Variants in TRAPPC11 observed in about 807,000 individuals in gnomAD.
The protein encoded by TRAPPC11 is trafficking protein particle complex subunit 11.
In TRAPPC11, 104 loss-of-function variants were observed where a neutral mutation model predicts 151.2. The observed-to-expected ratio is 0.69, with a 90% confidence interval of 0.59 to 0.81. The LOEUF (loss-of-function observed/expected upper bound fraction) is 0.81. TRAPPC11 is among the 30% of genes least tolerant of loss of function. TRAPPC11 has a pLI of 0.00. For synonymous variants in TRAPPC11, 456 were observed against 472.3 expected (o/e 0.97, Z 0.45); for missense variants, 1,230 against 1,349.6 (o/e 0.91, Z 1.39).
At chr4:183,684,612 A>G in intron 14 of TRAPPC11, 84 bp from the exon 15 acceptor site, 2 of 1,423,042 alleles carry the variant, frequency 1.4e-6, no homozygotes, top group South Asian at 2.6e-5. Flanking sequence ...CTTACATAAA[A>G]TGAGGAAAGT....
chr4:183,679,408 G>A lies in TRAPPC11; in HGVS notation c.887G>A (p.Arg296Gln), dbSNP rs771578631. 11 of 1,612,866 alleles carry A rather than the reference G, an allele frequency of 6.8e-6. No individual in the cohort carries two copies. The highest frequency in any genetic ancestry group is 6.7e-5 in the East Asian group (3 of 44,794). Residue 296 changes from arginine (R) to glutamine (Q), a missense_variant, in exon 9 of 30, where the codon CGA (arginine) becomes CAA (glutamine). Transcript: ENST00000334690. Reference sequence around the variant, plus strand: ...CCATTGGATGCAATTGCTCAGTTCCGAAAACACATCGACTTGTGTAAGAAA... The same window carrying A: ...CCATTGGATGCAATTGCTCAGTTCCAAAAACACATCGACTTGTGTAAGAAA... ...NTPLDAIAQF[R>Q]KHIDLCKKKI...
At chr4:183,660,469 A>G (rs976339732) in intron 1 of TRAPPC11, among the ~76,000 whole-genome samples, 3 of 152,232 alleles carry the variant, frequency 2.0e-5, no homozygotes, top group South Asian at 4.1e-4. Flanking sequence ...ACTGCGTTAA[A>G]TTGAATATTA....
rs149339392 is a variant in TRAPPC11 at position 183,666,281 on chromosome 4, C to G, written c.229C>G (p.Pro77Ala). 6.2e-7 allele frequency: 1 copy of G among 1,613,826 alleles called. No individual in the cohort carries two copies. Among genetic ancestry groups the G allele is most frequent in the Non-Finnish European group, 8.5e-7 (1 of 1,179,916 alleles). The change falls in exon 3 of 30, where the codon CCT becomes GCT. Residue 77 changes from proline (P) to alanine (A), a missense_variant. Pro to Ala is a conservative substitution (Grantham distance 27, BLOSUM62 -1). Transcript: ENST00000334690. The part of the protein sequence containing the change: ...PKRTSYEWYI[P>A]KGILKTGWMN... ...GAGAACTTCATATGAGTGGTACATT[C>G]CTAAAGGGATCTTAAAGACTGGCTG...
At chr4:183,703,450 C>T (rs1031902642) in intron 26 of TRAPPC11, among the ~76,000 whole-genome samples, 16 of 152,140 alleles carry the variant, frequency 1.1e-4, no homozygotes, top group African/African-American at 3.9e-4. Flanking sequence ...GTCAAAATAG[C>T]ATTTTAAAGG....
intron 2 of TRAPPC11, among the ~76,000 whole-genome samples, chr4:183,664,655 G>T (rs1021027179): frequency 6.6e-6 from 1 of 152,126 alleles, no homozygotes; most frequent in African/African-American, 2.4e-5. Context: ...TTATTATCAT[G>T]ATGATAGTAT....
At chr4:183,706,491 C>T (rs1337998881) in intron 27 of TRAPPC11, among the ~76,000 whole-genome samples, 1 of 151,496 alleles carries the variant, frequency 6.6e-6, no homozygotes, top group Non-Finnish European at 1.5e-5. Flanking sequence ...CCACTGCACT[C>T]CAGCCTGGGT....
Position 183,684,064 on chromosome 4 carries a change from G to C in TRAPPC11, c.1287+10G>C. The stretch of plus-strand genomic sequence containing the variant: ...AAATGTTGTTCACTCTGTAAGTTTT[G>C]TGTCCAATATAAACTATTTTTTACA... On this transcript the variant is annotated intron_variant, in intron 12 of 29. Coordinates refer to ENST00000334690, the MANE Select transcript of TRAPPC11 (RefSeq NM_021942.6). The C allele has an allele frequency of 6.2e-7, 1 of 1,612,744 alleles. No individual in the cohort carries two copies. Among genetic ancestry groups the C allele is most frequent in the Non-Finnish European group, 8.5e-7 (1 of 1,178,884 alleles).
chr4:183,704,245 G>T (rs1736939420), intron 26 of TRAPPC11, among the ~76,000 whole-genome samples: 1 of 152,230 alleles, frequency 6.6e-6, no homozygotes. Context: ...GGGAGGCCTG[G>T]TGCGGTGGCT....
chr4:183,692,328 CA>C (rs1464226397), intron 19 of TRAPPC11, among the ~76,000 whole-genome samples: 1 of 151,464 alleles, frequency 6.6e-6, no homozygotes, highest in Non-Finnish European at 1.5e-5. Flanking sequence ...GTTCCCATAA[CA>C]GTTTCTGTGA....
chr4:183,707,180 G>C (rs1349660572), intron 28 of TRAPPC11, among the ~76,000 whole-genome samples: 1 of 151,698 alleles, frequency 6.6e-6, no homozygotes, highest in Non-Finnish European at 1.5e-5. Context: ...CAAATCCTTG[G>C]ACTATATTAT....
At chr4:183,671,339 C>T (rs1468272132) in intron 5 of TRAPPC11, among the ~76,000 whole-genome samples, 2 of 152,112 alleles carry the variant, frequency 1.3e-5, no homozygotes, top group Admixed American at 6.6e-5. Context: ...CTGCTGTAAG[C>T]ATTTGGCTGG....
At chr4:183,664,123 T>G (rs1409076383) in intron 2 of TRAPPC11, 52 bp downstream of exon 2, 4 of 1,470,068 alleles carry the variant, frequency 2.7e-6, no homozygotes, top group Non-Finnish European at 3.8e-6. Context: ...TCTATGTGTG[T>G]GTGTGTGTCT....
At chr4:183,701,212 T>C (rs1736784762) in intron 25 of TRAPPC11, 1 of 152,780 alleles carries the variant, frequency 6.5e-6, no homozygotes, top group Non-Finnish European at 1.5e-5. Context: ...TTTTGAAGCA[T>C]TTTGGTTTCA....
At chr4:183,687,716 A>T (rs528941986) in intron 18 of TRAPPC11, among the ~76,000 whole-genome samples, 2 of 152,294 alleles carry the variant, frequency 1.3e-5, no homozygotes, top group Admixed American at 1.3e-4. Flanking sequence ...TTTATATTTT[A>T]CTTCAACATT....
chr4:183,684,811 A>G lies in TRAPPC11; in HGVS notation c.1537A>G (p.Ile513Val), dbSNP rs1561044819. 8.1e-6 allele frequency: 13 copies of G among 1,613,794 alleles called. No homozygotes were observed. The highest frequency in any genetic ancestry group is 1.1e-5 in the Non-Finnish European group (13 of 1,179,892). Residue 513 changes from isoleucine to valine, a missense_variant, in exon 15 of 30, where the codon ATT becomes GTT. Coordinates refer to ENST00000334690, the MANE Select transcript of TRAPPC11 (RefSeq NM_021942.6). ...SYLMAQLKDY[I>V]TYSLELLGRA... ...CCTCATGGCCCAATTAAAGGATTAC[A>G]TTACTTACTCCCTAGAACTCCTTGG...
chr4:183,668,406 C>G (rs1281710157), intron 5 of TRAPPC11, among the ~76,000 whole-genome samples: 1 of 152,128 alleles, frequency 6.6e-6, no homozygotes, highest in Non-Finnish European at 1.5e-5. Context: ...CACACAAACA[C>G]AAAAACATAA....
In TRAPPC11 at chr4:183,704,965, C is replaced by A; in HGVS notation, c.2964-14C>A. The A allele has an allele frequency of 1.3e-6, 2 of 1,533,586 alleles. No homozygotes were observed. Among genetic ancestry groups the A allele is most frequent in the Non-Finnish European group, 8.9e-7 (1 of 1,122,652 alleles). The allele number at this position is 1,533,586 out of a possible 1,614,324, so 95.0% of individuals were successfully genotyped here. ...TTTAAAAAGAGTTTAAAAAGATGAC[C>A]TCTTCTGCCACAGGACCTCAGCAAT... On this transcript the variant is annotated splice_polypyrimidine_tract_variant and intron_variant, in intron 26 of 29. Coordinates refer to ENST00000334690, the MANE Select transcript of TRAPPC11 (RefSeq NM_021942.6).
At chr4:183,661,731 T>C (rs1371173854) in intron 1 of TRAPPC11, among the ~76,000 whole-genome samples, 2 of 150,612 alleles carry the variant, frequency 1.3e-5, no homozygotes, top group East Asian at 2.0e-4. Flanking sequence ...ATATTTAAAA[T>C]GTAGTGATAA....
chr4:183,709,662 C>T (rs1737244345), intron 29 of TRAPPC11, among the ~76,000 whole-genome samples: 2 of 152,098 alleles, frequency 1.3e-5, no homozygotes, highest in African/African-American at 4.8e-5. Context: ...GTAGTTCCAG[C>T]TACTTGGGAG....
Sources: allele counts gnomAD v4.1 joint callset (sites outside exome capture counted in the v4.1 genomes callset), GRCh38; gene constraint gnomAD v4.1.1; transcripts MANE v1.5; gene names NCBI Gene and HGNC (gene_info 2026-07-23, HGNC 2026-07-21).